Variants in COPS9 observed in about 807,000 individuals in gnomAD.
COPS9 encodes the protein COP9 signalosome subunit 9, also known as COP9 signalosome complex subunit 9.
Under a neutral mutation model 7.2 loss-of-function variants are expected in COPS9, and 8 were observed. The ratio of observed to expected loss-of-function variants is 1.11; its 90% CI spans 0.65 to 2.00. The LOEUF (loss-of-function observed/expected upper bound fraction) is 2.00. COPS9 is among the 30% of genes most tolerant of loss of function. The pLI is 0.00. For missense variants in COPS9, 74 were observed against 77.7 expected (o/e 0.95, Z 0.18); for synonymous variants, 39 against 28.7 (o/e 1.36, Z -1.14).
At position 240,130,910 on chromosome 2, in the gene COPS9, C is replaced by G; in HGVS notation, c.*141G>C. 11 of 1,461,732 alleles carry G rather than the reference C, an allele frequency of 7.5e-6. No homozygotes were observed. The highest frequency in any genetic ancestry group is 2.5e-4 in the Middle Eastern group (1 of 4,050). The allele number at this position is 1,461,732 out of a possible 1,614,324, so 90.5% of individuals were successfully genotyped here. ...ACAGAATCATCTAGGTCGTTAAGAACAGTCTTATCTTTCTGGTTAACCAGG... is the reference window on the plus strand; with the variant it reads ...ACAGAATCATCTAGGTCGTTAAGAAGAGTCTTATCTTTCTGGTTAACCAGG... On this transcript the variant is annotated 3_prime_UTR_variant, in exon 3 of 3. Coordinates refer to ENST00000607357, the MANE Select transcript of COPS9 (RefSeq NM_001163424.2).
downstream of COPS9, chr2:240,129,809 C>T (rs2071902285): frequency 6.8e-6 from 7 of 1,025,926 alleles, no homozygotes; most frequent in East Asian, 1.3e-4. Flanking sequence ...CGCTGGAAAC[C>T]CTGCTCCTCG....
intron 1 of COPS9, chr2:240,134,346 T>C (rs1017271483): frequency 4.2e-6 from 1 of 236,252 alleles, no homozygotes; most frequent in Non-Finnish European, 8.2e-6. Context: ...GCCACAAACA[T>C]GCGAAATTGA....
At chr2:240,135,103 G>A (rs2071962119) in intron 1 of COPS9, among the ~76,000 whole-genome samples, 1 of 152,010 alleles carries the variant, frequency 6.6e-6, no homozygotes, top group South Asian at 2.1e-4. Context: ...ATGGTTTCAC[G>A]ATCTGGGTAG....
intron 1 of COPS9, 64 bp downstream of exon 1, chr2:240,136,158 G>C: frequency 1.5e-6 from 2 of 1,309,018 alleles, no homozygotes; most frequent in Non-Finnish European, 2.0e-6. Flanking sequence ...GCACCAGGAC[G>C]CCGCCCTTCC....
rs1445069268 is a variant in COPS9 at position 240,132,517 on chromosome 2, C to G, written c.136+1416G>C. ...CGTGGCTCAAAGGCAGACACGCGCCCACAATGCTCAGGTTGCTGGGCGCTC... is the reference window on the plus strand; with the variant it reads ...CGTGGCTCAAAGGCAGACACGCGCCGACAATGCTCAGGTTGCTGGGCGCTC... On this transcript the variant is annotated intron_variant, in intron 2 of 2. Coordinates refer to ENST00000607357, the MANE Select transcript of COPS9 (RefSeq NM_001163424.2). The surrounding 1 kb of genome is among the most constrained non-coding windows in gnomAD (Gnocchi z 4.1). Among the ~76,000 whole-genome samples the G allele has an allele frequency of 6.6e-6, 1 of 152,140 alleles. No homozygotes were observed. Among genetic ancestry groups the G allele is most frequent in the Non-Finnish European group, 1.5e-5 (1 of 68,032 alleles).
At chr2:240,127,940 C>T (rs930873769), downstream of COPS9, among the ~76,000 whole-genome samples, 17 of 152,142 alleles carry the variant, frequency 1.1e-4, no homozygotes, top group African/African-American at 3.6e-4. Context: ...GCCACTCACA[C>T]CCCCTCAAAA....
downstream of COPS9, chr2:240,127,010 G>A (rs2071873139): frequency 1.9e-6 from 3 of 1,554,212 alleles, no homozygotes; most frequent in Admixed American, 3.5e-5. Context: ...AATTCCGAGT[G>A]ACCTGGGACA....
At chr2:240,135,372 GCTTT>G (rs2071965781) in intron 1 of COPS9, among the ~76,000 whole-genome samples, 2 of 152,228 alleles carry the variant, frequency 1.3e-5, no homozygotes, top group South Asian at 4.2e-4. Context: ...TGCGCCTTCG[GCTTT>G]CTATGACACC....
chr2:240,129,901 C>T (rs761566597), downstream of COPS9: 2 of 1,611,918 alleles, frequency 1.2e-6, no homozygotes, highest in Non-Finnish European at 1.7e-6. Context: ...TACAGAGATG[C>T]ACTTCTTACC....
intron 1 of COPS9, among the ~76,000 whole-genome samples, chr2:240,134,485 C>T (rs886908354): frequency 2.6e-5 from 4 of 152,172 alleles, no homozygotes; most frequent in African/African-American, 9.7e-5. Flanking sequence ...TCCACTGCCA[C>T]AACTCCACGG....
chr2:240,136,237 G>C lies in COPS9; in HGVS notation c.48C>G (p.Tyr16Ter), dbSNP rs754613618. The change falls in exon 1 of 3, where the codon TAC becomes TAG. Residue 16 changes from tyrosine (Y) to a stop codon, truncating the protein, a stop_gained. Coordinates refer to ENST00000607357, the MANE Select transcript of COPS9 (RefSeq NM_001163424.2). LOFTEE classifies it high-confidence loss of function. ...CCCGTGCCACCTCGTCCAGGTCCAC[G>C]TAGGGCCCGGCGCCCTCGGGGAACA... ...DEMFPEGAGP[Y>*]VDLDEAGGST... 5 of 1,562,822 alleles carry C rather than the reference G, an allele frequency of 3.2e-6. No individual in the cohort carries two copies. Among genetic ancestry groups the C allele is most frequent in the South Asian group, 1.2e-5 (1 of 85,738 alleles).
chr2:240,134,665 G>A (rs2071956524), intron 1 of COPS9, among the ~76,000 whole-genome samples: 1 of 152,130 alleles, frequency 6.6e-6, no homozygotes, highest in Non-Finnish European at 1.5e-5. Context: ...TCACAAGGCC[G>A]CTTGCTCAGA....
downstream of COPS9, among the ~76,000 whole-genome samples, chr2:240,129,086 C>T (rs1439690243): frequency 1.3e-5 from 2 of 152,220 alleles, no homozygotes; most frequent in Non-Finnish European, 2.9e-5. Flanking sequence ...GCTCTCTTCT[C>T]CACCTGGGAT....
intron 2 of COPS9, 48 bp from the exon 3 acceptor site, chr2:240,131,136 C>T: frequency 6.3e-7 from 1 of 1,585,038 alleles, no homozygotes; most frequent in Non-Finnish European, 8.6e-7. Context: ...AGGGTAAGGG[C>T]TGAAGAAATC....
Position 240,132,914 on chromosome 2 carries a change from A to C in COPS9, c.136+1019T>G, listed in dbSNP as rs2071936857. Among the ~76,000 whole-genome samples the C allele has an allele frequency of 6.6e-6, 1 of 152,200 alleles. No individual in the cohort carries two copies. The highest frequency in any genetic ancestry group is 2.1e-4 in the South Asian group (1 of 4,836). ...AAATGCTATTCAGTTCTCCAGGCTC[A>C]TCTCAAATGTCATCTGCCTCAGTTC... On this transcript the variant is annotated intron_variant, in intron 2 of 2. Transcript: ENST00000607357. The surrounding 1 kb of genome is among the most constrained non-coding windows in gnomAD (Gnocchi z 4.1).
chr2:240,130,718 C>A (rs1341132957), downstream of COPS9: 38 of 1,007,542 alleles, frequency 3.8e-5, no homozygotes, highest in Non-Finnish European at 4.8e-5. Context: ...AAATGTGGTT[C>A]TCTCAGCGTG....
intron 2 of COPS9, among the ~76,000 whole-genome samples, chr2:240,133,110 T>C (rs1247878967): frequency 6.6e-6 from 1 of 152,170 alleles, no homozygotes; most frequent in African/African-American, 2.4e-5. Context: ...TCTGGTAAAT[T>C]AGAAACCGAT....
chr2:240,128,326 C>G (rs994666663), downstream of COPS9, among the ~76,000 whole-genome samples: 1 of 152,206 alleles, frequency 6.6e-6, no homozygotes, highest in African/African-American at 2.4e-5. Context: ...TAGTTGAGTC[C>G]AGGGATCTTT....
At chr2:240,131,906 C>G (rs998637526) in intron 2 of COPS9, among the ~76,000 whole-genome samples, 11 of 152,180 alleles carry the variant, frequency 7.2e-5, no homozygotes, top group Admixed American at 6.5e-5. Context: ...CTGCTGGCAC[C>G]ACAGCATCCA....
Sources: allele counts gnomAD v4.1 joint callset (sites outside exome capture counted in the v4.1 genomes callset), GRCh38; gene constraint gnomAD v4.1.1; non-coding constraint Gnocchi (gnomAD v3.1); transcripts MANE v1.5; gene names NCBI Gene and HGNC (gene_info 2026-07-23, HGNC 2026-07-21).